Variants in RIMS2 observed in about 807,000 individuals in gnomAD.
RIMS2 encodes regulating synaptic membrane exocytosis protein 2.
RIMS2 carries 59 observed loss-of-function variants against 174.4 expected under a neutral mutation model. The ratio of observed to expected loss-of-function variants is 0.34; its 90% CI spans 0.27 to 0.42. The LOEUF is 0.42. RIMS2 is among the 10% of genes least tolerant of loss of function. The pLI, the probability that RIMS2 is intolerant of heterozygous loss-of-function variation, is 1.00. For synonymous variants in RIMS2, 606 were observed against 572.5 expected, an observed-to-expected ratio of 1.06 and a Z score of -0.84; for missense variants, 1,620 against 1,666.3, an observed-to-expected ratio of 0.97 and a Z score of 0.48.
chr8:103,840,614 A>G (rs1367396393), intron 3 of RIMS2, among the ~76,000 whole-genome samples: 1 of 152,058 alleles, frequency 6.6e-6, no homozygotes, highest in Non-Finnish European at 1.5e-5. Flanking sequence ...CTTCTCGTGG[A>G]TACATTCCGT....
At chr8:103,920,954 A>G (rs1362761754) in intron 9 of RIMS2, 1 of 284,316 alleles carries the variant, frequency 3.5e-6, no homozygotes, top group Non-Finnish European at 6.9e-6. Flanking sequence ...AGCCGAGATC[A>G]CGCCACCGCA....
intron 3 of RIMS2, chr8:103,880,673 G>A: frequency 3.7e-6 from 2 of 536,140 alleles, no homozygotes; most frequent in Non-Finnish European, 6.9e-6. Flanking sequence ...CGACAGATGT[G>A]CATTGGTTGA....
chr8:103,812,156 C>A (rs1316812950), intron 3 of RIMS2, among the ~76,000 whole-genome samples: 1 of 151,964 alleles, frequency 6.6e-6, no homozygotes, highest in Non-Finnish European at 1.5e-5. Flanking sequence ...TGTAACAATT[C>A]TGAACTGTTT....
At chr8:103,976,548 C>CT (rs768820871) in intron 16 of RIMS2, 4,833 of 124,528 alleles carry the variant, frequency 0.039, 234 homozygotes, top group African/African-American at 0.11. Context: ...TTTTCTTTTT[C>CT]TTTTTTTTTT....
intron 6 of RIMS2, among the ~76,000 whole-genome samples, 200 bp downstream of exon 9, chr8:103,912,372 C>T (rs926647794): frequency 6.6e-6 from 1 of 152,056 alleles, no homozygotes; most frequent in Admixed American, 6.6e-5. Flanking sequence ...CACAGTAATA[C>T]TTGTATATAT....
intron 19 of RIMS2, among the ~76,000 whole-genome samples, chr8:104,021,985 G>A (rs572636796): frequency 2.0e-5 from 3 of 152,284 alleles, no homozygotes; most frequent in South Asian, 4.1e-4. Context: ...CTGGGTGGGG[G>A]CCACAGGATG....
chr8:103,604,430 T>C (rs1182201591), intron 1 of RIMS2, among the ~76,000 whole-genome samples: 16 of 152,232 alleles, frequency 1.1e-4, no homozygotes, highest in African/African-American at 2.4e-4. Flanking sequence ...AGTCAGGTAG[T>C]GTGATGCCTC....
At chr8:103,786,517 C>T (rs200976001) in intron 3 of RIMS2, among the ~76,000 whole-genome samples, 17 of 152,040 alleles carry the variant, frequency 1.1e-4, no homozygotes, top group African/African-American at 3.9e-4. Flanking sequence ...TCTGCCTTCA[C>T]TTCGTTATGT....
At chr8:103,837,036 T>A (rs1215235846) in intron 3 of RIMS2, among the ~76,000 whole-genome samples, 2 of 152,244 alleles carry the variant, frequency 1.3e-5, no homozygotes, top group Non-Finnish European at 2.9e-5. Flanking sequence ...GAAGATTCAT[T>A]ACTTTATAAA....
rs148018940 is a variant in RIMS2, at chr8:104,010,457, T to G, written c.3045-2985T>G. On this transcript the variant is annotated intron_variant, in intron 17 of 23. Transcript: ENST00000504942. ...GTCAGTTCATCCTCATCTCAAAATC[T>G]GCATATGCTAATAATGTGCTTTTAA... Among the ~76,000 whole-genome samples the G allele has an allele frequency of 3.3e-5, 5 of 152,290 alleles. No homozygotes were observed. The East Asian group carries it at 9.7e-4, about 29-fold the overall frequency.
intron 1 of RIMS2, among the ~76,000 whole-genome samples, chr8:103,693,527 T>C (rs1163905685): frequency 2.0e-5 from 3 of 152,214 alleles, no homozygotes; most frequent in African/African-American, 7.2e-5. Flanking sequence ...TTTTTCATGA[T>C]TATGCTTACC....
intron 2 of RIMS2, among the ~76,000 whole-genome samples, chr8:103,731,219 G>A (rs1036020626): frequency 2.6e-5 from 4 of 152,080 alleles, no homozygotes; most frequent in Non-Finnish European, 2.9e-5. Context: ...ATATCACAGT[G>A]GATGCACTGT....
At chr8:103,761,140 C>A (rs535450156) in intron 2 of RIMS2, among the ~76,000 whole-genome samples, 93 of 152,192 alleles carry the variant, frequency 6.1e-4, no homozygotes, top group South Asian at 1.0e-3. Flanking sequence ...ATACATCCAC[C>A]ACAGCTGATT....
At chr8:103,520,107 G>A (rs1207535836) in intron 1 of RIMS2, among the ~76,000 whole-genome samples, 1 of 152,016 alleles carries the variant, frequency 6.6e-6, no homozygotes, top group Admixed American at 6.6e-5. Context: ...GTGACCTTGA[G>A]CAAGTCACTT....
intron 1 of RIMS2, among the ~76,000 whole-genome samples, chr8:103,510,601 C>T (rs903560683): frequency 2.0e-5 from 3 of 152,088 alleles, no homozygotes; most frequent in African/African-American, 7.2e-5. Flanking sequence ...AGGCCTCTTT[C>T]TGGTACTTGC....
At chr8:103,923,385 A>T (rs1445439503) in intron 10 of RIMS2, among the ~76,000 whole-genome samples, 1 of 151,888 alleles carries the variant, frequency 6.6e-6, no homozygotes, top group East Asian at 1.9e-4. Context: ...TTGTTATCTC[A>T]TTTGAATCCC....
intron 19 of RIMS2, among the ~76,000 whole-genome samples, chr8:104,115,148 T>G (rs1211911880): frequency 6.6e-6 from 1 of 152,144 alleles, no homozygotes; most frequent in African/African-American, 2.4e-5. Flanking sequence ...GATTAAATTC[T>G]TAAACTTTCA....
intron 19 of RIMS2, among the ~76,000 whole-genome samples, chr8:104,174,453 CT>C (rs2098859468): frequency 6.6e-6 from 1 of 151,998 alleles, no homozygotes; most frequent in East Asian, 1.9e-4. Context: ...AATATATTAC[CT>C]TCTTAATATT....
chr8:103,515,776 A>G (rs1206092741), intron 1 of RIMS2, among the ~76,000 whole-genome samples: 1 of 152,080 alleles, frequency 6.6e-6, no homozygotes, highest in Non-Finnish European at 1.5e-5. Flanking sequence ...ATAATATTTT[A>G]TAAATATTAG....
Sources: allele counts gnomAD v4.1 joint callset (sites outside exome capture counted in the v4.1 genomes callset), GRCh38; gene constraint gnomAD v4.1.1; transcripts MANE v1.5; gene names NCBI Gene and HGNC (gene_info 2026-07-23, HGNC 2026-07-21).